Variants in TMCC1 observed in about 807,000 individuals in gnomAD.
TMCC1 encodes transmembrane and coiled-coil domain family 1.
Under a neutral mutation model 52.4 loss-of-function variants are expected in TMCC1, and 15 were observed. That is an observed-to-expected ratio of 0.29 (90% CI 0.19 to 0.44). The LOEUF (loss-of-function observed/expected upper bound fraction) is 0.44, where lower values mean the gene tolerates loss of function less well. Among genes scored for constraint, TMCC1 ranks in the 20% least tolerant of loss-of-function variants. The probability of loss-of-function intolerance (pLI) is 1.00; values close to 1 mark genes in which losing one functional copy is unlikely to be tolerated. For missense variants in TMCC1, 503 were observed against 806.0 expected, an observed-to-expected ratio of 0.62 and a Z score of 4.55; for synonymous variants, 279 against 301.9, an observed-to-expected ratio of 0.92 and a Z score of 0.79.
At chr3:129,664,018 G>C (rs2087252290) in intron 5 of TMCC1, among the ~76,000 whole-genome samples, 1 of 152,146 alleles carries the variant, frequency 6.6e-6, no homozygotes, top group African/African-American at 2.4e-5. Flanking sequence ...AAGGAATAAG[G>C]GTTAATTAAT....
At chr3:129,879,646 T>C (rs1003690019) in intron 2 of TMCC1, among the ~76,000 whole-genome samples, 1 of 152,216 alleles carries the variant, frequency 6.6e-6, no homozygotes, top group Non-Finnish European at 1.5e-5. Flanking sequence ...AAACATACTT[T>C]AACTCTCAAA....
chr3:129,777,529 C>T (rs753157118), intron 4 of TMCC1, among the ~76,000 whole-genome samples: 2 of 152,186 alleles, frequency 1.3e-5, no homozygotes, highest in Admixed American at 6.5e-5. Flanking sequence ...TCACCAGACT[C>T]ACTTCAGTGC....
At chr3:129,881,327 A>G (rs1197241152) in intron 1 of TMCC1, among the ~76,000 whole-genome samples, 1 of 152,192 alleles carries the variant, frequency 6.6e-6, no homozygotes, top group African/African-American at 2.4e-5. Flanking sequence ...AAATATTAAA[A>G]TCTATTTCAA....
At chr3:129,844,179 C>CGA (rs1464485723) in intron 2 of TMCC1, among the ~76,000 whole-genome samples, 5 of 152,050 alleles carry the variant, frequency 3.3e-5, no homozygotes, top group Admixed American at 2.0e-4. Flanking sequence ...TATCTATTTA[C>CGA]GATAAATACT....
intron 4 of TMCC1, among the ~76,000 whole-genome samples, chr3:129,749,427 G>A (rs1400632972): frequency 6.6e-6 from 1 of 151,938 alleles, no homozygotes. Context: ...AAACAAAATG[G>A]AAAGAAAAGA....
In TMCC1 at chr3:129,726,893, A is replaced by AAAAAAAAAAAAAG. The variant is rs1560278979; in HGVS notation, c.577-55630_577-55629insCTTTTTTTTTTTT. On this transcript the variant is annotated intron_variant, in intron 4 of 6. Transcript: ENST00000393238. ...CAAAAAAAAAAAAAAAAAAAAAAAA[A>AAAAAAAAAAAAAG]AAAAAGAACCACTGTTCAAACCAAA... Among the ~76,000 whole-genome samples the AAAAAAAAAAAAAG allele has an allele frequency of 4.2e-5, 6 of 144,464 alleles. No individual in the cohort carries two copies. The East Asian group carries it at 7.9e-4, about 19-fold the overall frequency. 94.8% of individuals were successfully genotyped at this position (144,464 alleles called of 152,430 possible).
chr3:129,825,162 T>TC (rs1398568441), intron 4 of TMCC1, among the ~76,000 whole-genome samples: 4 of 152,216 alleles, frequency 2.6e-5, no homozygotes, highest in South Asian at 2.1e-4. Context: ...ATTATCCTTT[T>TC]CCCCGCTTCA....
chr3:129,715,976 A>G (rs1483433474), intron 4 of TMCC1, among the ~76,000 whole-genome samples: 1 of 151,796 alleles, frequency 6.6e-6, no homozygotes, highest in African/African-American at 2.4e-5. Context: ...CTTCCTACTT[A>G]GCTCTTTAGA....
At chr3:129,887,614 C>A (rs1335736610) in intron 1 of TMCC1, among the ~76,000 whole-genome samples, 1 of 151,430 alleles carries the variant, frequency 6.6e-6, no homozygotes, top group Non-Finnish European at 1.5e-5. Context: ...TCCTCCACTC[C>A]TTAACAAAAT....
chr3:129,672,726 G>C (rs960277653), intron 4 of TMCC1, among the ~76,000 whole-genome samples: 1 of 152,044 alleles, frequency 6.6e-6, no homozygotes, highest in African/African-American at 2.4e-5. Context: ...TCCTTTTCTT[G>C]GTTCCCATCT....
chr3:129,697,867 T>C (rs2047528512), intron 4 of TMCC1, among the ~76,000 whole-genome samples: 1 of 152,304 alleles, frequency 6.6e-6, no homozygotes, highest in East Asian at 1.9e-4. Context: ...TTATTGTCCA[T>C]ATCACTATCA....
chr3:129,807,083 T>G (rs913166547), intron 4 of TMCC1, among the ~76,000 whole-genome samples: 1 of 152,198 alleles, frequency 6.6e-6, no homozygotes, highest in African/African-American at 2.4e-5. Context: ...AAAGACTACA[T>G]AAGCTATGGT....
rs139466563 is a variant in TMCC1 at position 129,809,317 on chromosome 3, T to G, written c.576+18486A>C. ...TCTACAGAAAGTTGTTCACAAAAAA[T>G]AACATTTAAAATAGAAGATTCACAA... On this transcript the variant is annotated intron_variant, in intron 4 of 6. Transcript: ENST00000393238. 7.8e-3 allele frequency among the ~76,000 whole-genome samples: 1,135 copies of G among 145,210 alleles called. 5 individuals are homozygous for G. Among genetic ancestry groups the G allele is most frequent in the Non-Finnish European group, 0.011 (751 of 65,512 alleles).
At position 129,848,709 on chromosome 3, in the gene TMCC1, C is replaced by T. The variant is rs115726278; in HGVS notation, c.-183-15883G>A. Among the ~76,000 whole-genome samples, 304 of 152,282 alleles carry T rather than the reference C, an allele frequency of 2.0e-3. 1 individual carries two copies. Among genetic ancestry groups the T allele is most frequent in the South Asian group, 5.8e-3 (28 of 4,830 alleles). ...ACCAATGAAACTTTAAATTCATGTC[C>T]ACTAACCTCAAATGAGCATTTGATT... On this transcript the variant is annotated intron_variant, in intron 2 of 6. Coordinates refer to ENST00000393238, the MANE Select transcript of TMCC1 (RefSeq NM_001017395.5).
intron 4 of TMCC1, among the ~76,000 whole-genome samples, chr3:129,733,512 G>C (rs1044505169): frequency 6.6e-6 from 1 of 152,130 alleles, no homozygotes; most frequent in African/African-American, 2.4e-5. Flanking sequence ...TGTCAGTAAG[G>C]GTTTGGACAT....
intron 4 of TMCC1, among the ~76,000 whole-genome samples, chr3:129,776,887 A>G (rs2055082914): frequency 6.6e-6 from 1 of 152,140 alleles, no homozygotes; most frequent in African/African-American, 2.4e-5. Flanking sequence ...CTCTCACCTC[A>G]GCCTCCTAAA....
intron 4 of TMCC1, chr3:129,794,371 A>G (rs776365924): frequency 2.2e-6 from 1 of 456,178 alleles, no homozygotes; most frequent in African/African-American, 2.0e-5. Flanking sequence ...ATGATCACCC[A>G]GAGGATCTTC....
intron 4 of TMCC1, among the ~76,000 whole-genome samples, chr3:129,712,327 T>C (rs2048762844): frequency 1.3e-5 from 2 of 152,242 alleles, no homozygotes; most frequent in Admixed American, 6.5e-5. Context: ...TTACTGTCTG[T>C]AGTTTGTAAT....
At chr3:129,759,894 TG>T (rs1432123050) in intron 4 of TMCC1, among the ~76,000 whole-genome samples, 1 of 151,296 alleles carries the variant, frequency 6.6e-6, no homozygotes, top group Admixed American at 6.6e-5. Context: ...GCTAATTTTT[TG>T]TATTTTTAGT....
Sources: allele counts gnomAD v4.1 joint callset (sites outside exome capture counted in the v4.1 genomes callset), GRCh38; gene constraint gnomAD v4.1.1; transcripts MANE v1.5; gene names NCBI Gene and HGNC (gene_info 2026-07-23, HGNC 2026-07-21).